The following INTS9 variants were observed in gnomAD, a reference collection of about 807,000 sequenced individuals.
INTS9 encodes the protein integrator complex subunit 9.
In INTS9, 55 loss-of-function variants were observed where a neutral mutation model predicts 79.7. That is an observed-to-expected ratio of 0.69 (90% confidence interval 0.56 to 0.86). INTS9 has a LOEUF of 0.86. Ranked by LOEUF, INTS9 falls within the 40% of genes least tolerant of loss-of-function variation. INTS9 has a pLI of 0.00. For synonymous variants in INTS9, 319 were observed against 325.2 expected, an observed-to-expected ratio of 0.98 and a Z score of 0.20; for missense variants, 721 against 831.5, an observed-to-expected ratio of 0.87 and a Z score of 1.64.
Position 28,823,049 on chromosome 8 carries a change from T to C in INTS9, c.489-9437A>G, listed in dbSNP as rs145264438. Among the ~76,000 whole-genome samples, 1,135 of 152,254 alleles carry C rather than the reference T, an allele frequency of 7.5e-3. 10 individuals are homozygous for C. The highest frequency in any genetic ancestry group is 0.026 in the African/African-American group (1,080 of 41,562). On this transcript the variant is annotated intron_variant, in intron 6 of 16. Transcript: ENST00000521022. ...GAGGAAAATCCTCAGCTGAAAGCCA[T>C]GGCATTGGGCCCAAGACAGCTGACA...
chr8:28,884,774 A>G (rs986671707), intron 1 of INTS9, among the ~76,000 whole-genome samples: 4 of 152,226 alleles, frequency 2.6e-5, no homozygotes, highest in African/African-American at 9.7e-5. Flanking sequence ...AACAGAAAAG[A>G]CAGTGAAGTC....
intron 3 of INTS9, among the ~76,000 whole-genome samples, chr8:28,849,831 G>A (rs1259365115): frequency 6.6e-6 from 1 of 152,062 alleles, no homozygotes; most frequent in East Asian, 1.9e-4. Context: ...GATTTTAAAA[G>A]TTATTCAAAA....
chr8:28,840,782 G>C (rs2131206196), intron 4 of INTS9, among the ~76,000 whole-genome samples: 1 of 125,264 alleles, frequency 8.0e-6, no homozygotes, highest in East Asian at 2.6e-4. Flanking sequence ...TCACACTCTG[G>C]GGACTGTTGT....
chr8:28,880,241 T>C (rs1275364207), intron 1 of INTS9, among the ~76,000 whole-genome samples: 2 of 133,932 alleles, frequency 1.5e-5, no homozygotes, highest in African/African-American at 6.0e-5. Context: ...CCTCTCCCTC[T>C]CCCTCTCCCT....
intron 4 of INTS9, among the ~76,000 whole-genome samples, chr8:28,841,490 A>G (rs1807182065): frequency 1.3e-5 from 2 of 152,212 alleles, no homozygotes; most frequent in Admixed American, 1.3e-4. Flanking sequence ...AGAATTATAA[A>G]AAATAAAAAA....
At chr8:28,832,732 G>C (rs1339294917) in intron 6 of INTS9, among the ~76,000 whole-genome samples, 4 of 150,832 alleles carry the variant, frequency 2.7e-5, no homozygotes, top group African/African-American at 7.5e-5. Flanking sequence ...GGGAGGCTGA[G>C]GTGGGCAGAT....
intron 6 of INTS9, among the ~76,000 whole-genome samples, chr8:28,833,044 C>G (rs1031007360): frequency 6.6e-6 from 1 of 152,078 alleles, no homozygotes; most frequent in Admixed American, 6.5e-5. Flanking sequence ...TTAGAAGGTG[C>G]CTGGCACACA....
At chr8:28,770,131 G>C in intron 15 of INTS9, 105 bp from the exon 16 acceptor site, 3 of 1,410,608 alleles carry the variant, frequency 2.1e-6, no homozygotes, top group Non-Finnish European at 2.8e-6. Context: ...ACAGGCCACA[G>C]AGCCCCGGCC....
At chr8:28,858,360 T>C (rs1171528392) in intron 2 of INTS9, among the ~76,000 whole-genome samples, 1 of 152,178 alleles carries the variant, frequency 6.6e-6, no homozygotes, top group African/African-American at 2.4e-5. Context: ...CAGTGCAGAT[T>C]TTTAAGAAAC....
chr8:28,768,236 T>G lies in INTS9; in HGVS notation c.1887A>C (p.Glu629Asp). 6.2e-7 allele frequency: 1 copy of G among 1,614,182 alleles called. No individual in the cohort carries two copies. Among genetic ancestry groups the G allele is most frequent in the Non-Finnish European group, 8.5e-7 (1 of 1,180,046 alleles). ...LQEAETLIQIEEDSTHIICDN... is the reference protein window; with the variant it reads ...LQEAETLIQIDEDSTHIICDN... ...CGCAGATGATATGGGTCGAGTCTTC[T>G]TCAATCTGGATGAGCGTCTCAGCCT... The change falls in exon 17 of 17, where the codon GAA (glutamate) becomes GAC (aspartate). Residue 629 changes from glutamate to aspartate, a missense_variant. By Grantham distance (45) the Glu-to-Asp change is conservative. Around this residue, in one of 3 missense-constraint regions of INTS9, gnomAD observed 281 missense variants for 300.8 expected, o/e 0.93. Coordinates refer to ENST00000521022, the MANE Select transcript of INTS9 (RefSeq NM_018250.4).
At chr8:28,859,799 C>T in intron 1 of INTS9, 1 of 588,858 alleles carries the variant, frequency 1.7e-6, no homozygotes, top group Non-Finnish European at 3.1e-6. Context: ...CAAGGCAAGC[C>T]CGGTTTTACA....
chr8:28,835,217 A>G, intron 6 of INTS9, 75 bp downstream of exon 6: 1 of 906,760 alleles, frequency 1.1e-6, no homozygotes, highest in South Asian at 1.5e-5. Context: ...AGCATAGAGG[A>G]AGAAATCAAA....
At chr8:28,844,853 T>C (rs1367259374) in intron 4 of INTS9, among the ~76,000 whole-genome samples, 4 of 152,196 alleles carry the variant, frequency 2.6e-5, no homozygotes, top group African/African-American at 7.2e-5. Context: ...AATTTGTGTA[T>C]ACTTTATGGT....
intron 1 of INTS9, 69 bp downstream of exon 1, chr8:28,889,805 G>A: frequency 1.3e-6 from 2 of 1,584,702 alleles, no homozygotes; most frequent in Non-Finnish European, 1.7e-6. Flanking sequence ...CCTGCCCAAC[G>A]TAGGAAAAAA....
chr8:28,886,316 C>G (rs556334862), intron 1 of INTS9, among the ~76,000 whole-genome samples: 1 of 152,172 alleles, frequency 6.6e-6, no homozygotes, highest in Non-Finnish European at 1.5e-5. Context: ...GGTGCCATCA[C>G]AGCTCACTCC....
chr8:28,794,559 G>A (rs1216220001), intron 9 of INTS9, among the ~76,000 whole-genome samples: 9 of 152,122 alleles, frequency 5.9e-5, no homozygotes, highest in Non-Finnish European at 5.9e-5. Context: ...AATCAACATC[G>A]CTGGTCATAG....
Position 28,793,925 on chromosome 8 carries a change from C to G in INTS9, c.919G>C (p.Asp307His). ...TACTGATATAGGCACTCCAGGAGGT[C>G]ATAGATCACTCCAGAAGGGTAGCAG... Reference protein sequence around the residue: ...VPCYPSGVIYDLLECLYQYID... With the variant: ...VPCYPSGVIYHLLECLYQYID... Residue 307 changes from aspartate to histidine, a missense_variant, in exon 10 of 17, where the codon GAC becomes CAC. Coordinates refer to ENST00000521022, the MANE Select transcript of INTS9 (RefSeq NM_018250.4). 1 of 1,613,900 alleles carries G rather than the reference C, an allele frequency of 6.2e-7. No individual in the cohort carries two copies. The highest frequency in any genetic ancestry group is 1.3e-5 in the African/African-American group (1 of 75,000).
chr8:28,770,400 G>A (rs2130838873), intron 15 of INTS9, among the ~76,000 whole-genome samples: 1 of 152,310 alleles, frequency 6.6e-6, no homozygotes, highest in South Asian at 2.1e-4. Flanking sequence ...GACCAAAGGG[G>A]GAAACCCCAC....
At chr8:28,824,670 C>A (rs1016714043) in intron 6 of INTS9, among the ~76,000 whole-genome samples, 3 of 152,204 alleles carry the variant, frequency 2.0e-5, no homozygotes, top group African/African-American at 7.2e-5. Context: ...GCCGCAGGGG[C>A]TGCTGCTCCT....
Sources: gnomAD v4.1 joint callset for allele counts (sites outside exome capture counted in the v4.1 genomes callset) on GRCh38, gnomAD v4.1.1 for gene constraint, gnomAD v4.1.1 regional missense constraint, MANE v1.5 for transcripts, NCBI Gene and HGNC (gene_info 2026-07-23, HGNC 2026-07-21) for gene names.